Variants in NEGR1 observed in about 807,000 individuals in gnomAD.
NEGR1 encodes the protein neuronal growth regulator 1.
Under a neutral mutation model 40.9 loss-of-function variants are expected in NEGR1, and 10 were observed. The observed-to-expected ratio is 0.24, with a 90% CI of 0.15 to 0.42. The LOEUF is 0.42. NEGR1 is among the 10% of genes least tolerant of loss of function. NEGR1 has a pLI of 1.00. For synonymous variants in NEGR1, 185 were observed against 166.8 expected (o/e 1.11, Z -0.84); for missense variants, 352 against 438.9 (o/e 0.80, Z 1.77).
At chr1:71,806,885 T>A (rs1418897870) in intron 2 of NEGR1, among the ~76,000 whole-genome samples, 1 of 149,652 alleles carries the variant, frequency 6.7e-6, no homozygotes, top group Non-Finnish European at 1.5e-5. Context: ...AACATGTCGA[T>A]CTGTTTTTTT....
At chr1:72,116,214 A>G (rs1405191621) in intron 1 of NEGR1, among the ~76,000 whole-genome samples, 1 of 151,866 alleles carries the variant, frequency 6.6e-6, no homozygotes, top group East Asian at 1.9e-4. Context: ...TTTACTTTTT[A>G]TATACTAGCA....
intron 1 of NEGR1, among the ~76,000 whole-genome samples, chr1:72,071,640 T>A (rs1011808566): frequency 5.9e-5 from 9 of 152,136 alleles, no homozygotes; most frequent in Non-Finnish European, 1.3e-4. Flanking sequence ...AAGACCTTAG[T>A]GCCAGTGTGG....
At chr1:72,195,201 T>C (rs1366504043) in intron 1 of NEGR1, among the ~76,000 whole-genome samples, 1 of 152,158 alleles carries the variant, frequency 6.6e-6, no homozygotes, top group East Asian at 1.9e-4. Flanking sequence ...ACAACAAAAG[T>C]ACATTAGAAA....
chr1:72,257,261 G>T (rs1421988838), intron 1 of NEGR1, among the ~76,000 whole-genome samples: 2 of 143,712 alleles, frequency 1.4e-5, no homozygotes, highest in African/African-American at 5.3e-5. Context: ...GGCGGAGCTT[G>T]CAGTGAGCCG....
intron 6 of NEGR1, among the ~76,000 whole-genome samples, chr1:71,419,645 T>A (rs973063163): frequency 6.6e-6 from 1 of 152,200 alleles, no homozygotes. Context: ...CACTGCTTAA[T>A]GAAAGTTTTG....
At chr1:71,943,330 G>C (rs909339302) in intron 1 of NEGR1, among the ~76,000 whole-genome samples, 3 of 149,978 alleles carry the variant, frequency 2.0e-5, no homozygotes, top group Admixed American at 1.3e-4. Flanking sequence ...TATGAACTTA[G>C]AGCCATTTAT....
intron 5 of NEGR1, among the ~76,000 whole-genome samples, chr1:71,607,327 A>G (rs980604726): frequency 7.9e-5 from 12 of 152,264 alleles, no homozygotes; most frequent in Non-Finnish European, 1.0e-4. Flanking sequence ...TTGCAAATCC[A>G]TAAACAACTT....
intron 3 of NEGR1, among the ~76,000 whole-genome samples, chr1:71,770,818 G>C (rs1190527568): frequency 6.6e-6 from 1 of 152,228 alleles, no homozygotes; most frequent in African/African-American, 2.4e-5. Flanking sequence ...TGGAGAGGAT[G>C]TGGAAAAATA....
At chr1:71,770,313 C>T (rs972116204) in intron 3 of NEGR1, among the ~76,000 whole-genome samples, 2 of 152,110 alleles carry the variant, frequency 1.3e-5, no homozygotes, top group Non-Finnish European at 2.9e-5. Context: ...TTACAGGCTC[C>T]GTTCCAGGCT....
intron 4 of NEGR1, among the ~76,000 whole-genome samples, chr1:71,671,206 G>A (rs926577706): frequency 6.6e-6 from 1 of 152,094 alleles, no homozygotes; most frequent in Non-Finnish European, 1.5e-5. Flanking sequence ...TTGATTTGTC[G>A]TGGTTCCAGA....
chr1:71,695,898 A>T (rs1674954), intron 4 of NEGR1, among the ~76,000 whole-genome samples: 2,540 of 151,822 alleles, frequency 0.017, 60 homozygotes, highest in African/African-American at 0.058. Flanking sequence ...TATTTTTTTT[A>T]AAAAGAGTTT....
chr1:71,665,735 A>C (rs919368598), intron 4 of NEGR1, among the ~76,000 whole-genome samples: 1 of 152,154 alleles, frequency 6.6e-6, no homozygotes, highest in Non-Finnish European at 1.5e-5. Context: ...AGCGCCATTT[A>C]TTTGGAGACT....
At chr1:71,425,422 C>A (rs1360279469) in intron 6 of NEGR1, among the ~76,000 whole-genome samples, 1 of 152,122 alleles carries the variant, frequency 6.6e-6, no homozygotes, top group African/African-American at 2.4e-5. Context: ...TTTCTACAAA[C>A]CTTTCCCCAA....
chr1:72,276,586 A>C (rs1027229315), intron 1 of NEGR1, among the ~76,000 whole-genome samples: 1 of 152,170 alleles, frequency 6.6e-6, no homozygotes. Context: ...TTGGTTTATT[A>C]ACATAATCTG....
chr1:71,524,754 G>A (rs1233347596), intron 6 of NEGR1, among the ~76,000 whole-genome samples: 1 of 151,566 alleles, frequency 6.6e-6, no homozygotes, highest in Admixed American at 6.6e-5. Flanking sequence ...AGATTATCCT[G>A]GATTATCCAA....
chr1:72,066,259 C>A (rs1392987050), intron 1 of NEGR1, among the ~76,000 whole-genome samples: 1 of 152,078 alleles, frequency 6.6e-6, no homozygotes, highest in African/African-American at 2.4e-5. Context: ...GGATACAAAT[C>A]CAGGCAGCGT....
intron 2 of NEGR1, among the ~76,000 whole-genome samples, chr1:71,884,359 C>T (rs771638291): frequency 6.6e-6 from 1 of 152,190 alleles, no homozygotes; most frequent in Non-Finnish European, 1.5e-5. Context: ...CCCATCCATA[C>T]ACACAGACTC....
At chr1:72,155,538 T>A (rs567020810) in intron 1 of NEGR1, among the ~76,000 whole-genome samples, 2 of 152,190 alleles carry the variant, frequency 1.3e-5, no homozygotes, top group South Asian at 2.1e-4. Context: ...ATAAGATATT[T>A]GGGCATTTTC....
intron 2 of NEGR1, among the ~76,000 whole-genome samples, chr1:71,782,629 G>A (rs1656757472): frequency 6.6e-6 from 1 of 152,078 alleles, no homozygotes; most frequent in Non-Finnish European, 1.5e-5. Flanking sequence ...ACACATACAG[G>A]TTATTCAATA....
Sources: gnomAD v4.1 joint callset for allele counts (sites outside exome capture counted in the v4.1 genomes callset) on GRCh38, gnomAD v4.1.1 for gene constraint, MANE v1.5 for transcripts, NCBI Gene and HGNC (gene_info 2026-07-23, HGNC 2026-07-21) for gene names.